Variants in IARS1 observed in about 807,000 individuals in gnomAD.
IARS1 encodes isoleucyl-tRNA synthetase 1.
IARS1 carries 124 observed loss-of-function variants against 168.2 expected under a neutral mutation model. The observed-to-expected ratio is 0.74, with a 90% CI of 0.64 to 0.86. The LOEUF is 0.86. IARS1 is among the 40% of genes least tolerant of loss of function. IARS1 has a pLI of 0.00. For synonymous variants in IARS1, 532 were observed against 529.4 expected (o/e 1.00, Z -0.07); for missense variants, 1,452 against 1,515.8 (o/e 0.96, Z 0.70).
intron 9 of IARS1, among the ~76,000 whole-genome samples, chr9:92,276,674 C>T (rs539731345): frequency 3.7e-4 from 56 of 152,284 alleles, no homozygotes; most frequent in African/African-American, 1.3e-3. Context: ...GAGGGTTCAG[C>T]GAACATTTTT....
At chr9:92,279,017 G>A (rs944386157) in intron 7 of IARS1, among the ~76,000 whole-genome samples, 1 of 152,082 alleles carries the variant, frequency 6.6e-6, no homozygotes, top group Non-Finnish European at 1.5e-5. Context: ...AGAAAAGCTG[G>A]AGCAAATGTA....
rs906619398 is a variant in IARS1 at position 92,268,139 on chromosome 9, A to G, written c.1431+35T>C. On this transcript the variant is annotated intron_variant, in intron 14 of 33. Transcript: ENST00000443024. Reference sequence around the variant, plus strand: ...GATTTCATGAACAAAATGCTTTAGCAAAAATCAACACAAGGAAATACTGCC... The same window carrying G: ...GATTTCATGAACAAAATGCTTTAGCGAAAATCAACACAAGGAAATACTGCC... 2.6e-6 allele frequency: 4 copies of G among 1,530,332 alleles called. No homozygotes were observed. In the African/African-American group the frequency reaches 5.7e-5, roughly 22 times the overall value. The allele number at this position is 1,530,332 out of a possible 1,614,324, so 94.8% of individuals were successfully genotyped here.
At chr9:92,243,189 T>G in intron 28 of IARS1, 27 bp downstream of exon 28, 1 of 1,565,172 alleles carries the variant, frequency 6.4e-7, no homozygotes, top group African/African-American at 1.3e-5. Flanking sequence ...GCCAAAACAG[T>G]AGCTTATTCT....
intron 30 of IARS1, among the ~76,000 whole-genome samples, chr9:92,234,866 T>C (rs10992280): frequency 0.4 from 60,732 of 150,622 alleles, 14,485 homozygotes; most frequent in African/African-American, 0.66. Flanking sequence ...TTTTTTGAGA[T>C]GGAGTTCGTT....
intron 20 of IARS1, 100 bp from the exon 21 acceptor site, chr9:92,253,553 C>A: frequency 1.4e-6 from 1 of 724,138 alleles, no homozygotes; most frequent in South Asian, 1.6e-5. Context: ...TCCTTCCATC[C>A]AAGTGCCTCC....
At chr9:92,253,010 C>CAATATTAAT (rs1219355466) in intron 21 of IARS1, among the ~76,000 whole-genome samples, 1 of 151,986 alleles carries the variant, frequency 6.6e-6, no homozygotes, top group Non-Finnish European at 1.5e-5. Context: ...GTACCCCTCT[C>CAATATTAAT]AATATTAATG....
At chr9:92,284,084 G>A (rs913164872) in intron 6 of IARS1, among the ~76,000 whole-genome samples, 11 of 152,140 alleles carry the variant, frequency 7.2e-5, no homozygotes, top group Non-Finnish European at 1.5e-5. Flanking sequence ...GGGCTGAAAG[G>A]GGAGATCACT....
intron 31 of IARS1, among the ~76,000 whole-genome samples, chr9:92,227,744 C>T (rs1320301302): frequency 4.0e-5 from 6 of 151,656 alleles, no homozygotes; most frequent in South Asian, 4.2e-4. Context: ...GATGGGCGGC[C>T]GGGCAGAGAC....
At chr9:92,274,969 GA>G (rs1390700731) in intron 9 of IARS1, among the ~76,000 whole-genome samples, 1 of 152,160 alleles carries the variant, frequency 6.6e-6, no homozygotes, top group Non-Finnish European at 1.5e-5. Flanking sequence ...ATCTTGAAAG[GA>G]ACAGGTGGGA....
At chr9:92,264,336 C>CA (rs528571634) in intron 16 of IARS1, among the ~76,000 whole-genome samples, 6,843 of 98,866 alleles carry the variant, frequency 0.069, 191 homozygotes, top group South Asian at 0.11. Context: ...GATTCTGTCT[C>CA]AAAAAAAAAA....
At chr9:92,252,026 C>A (rs1257140649) in intron 21 of IARS1, 141 bp from the exon 22 acceptor site, 3 of 679,264 alleles carry the variant, frequency 4.4e-6, no homozygotes, top group Non-Finnish European at 7.5e-6. Flanking sequence ...GGAGAAAGGG[C>A]CACGACCACA....
intron 1 of IARS1, among the ~76,000 whole-genome samples, chr9:92,290,270 T>C (rs192228220): frequency 1.8e-3 from 278 of 152,336 alleles, no homozygotes; most frequent in African/African-American, 6.4e-3. Context: ...AAGTAGTATC[T>C]TGTGGTTTTG....
rs936296671 is a variant in IARS1, at chr9:92,280,009, G to A, written c.745+737C>T. The stretch of plus-strand genomic sequence containing the variant: ...TAGGCTGAATAATATTCCACTGTAC[G>A]TAAATACCCTATTTGGTTTATTCAT... On this transcript the variant is annotated intron_variant, in intron 7 of 33. Coordinates refer to ENST00000443024, the MANE Select transcript of IARS1 (RefSeq NM_002161.6). Among the ~76,000 whole-genome samples the A allele has an allele frequency of 1.8e-4, 28 of 152,214 alleles. No homozygotes were observed. The East Asian group carries it at 1.9e-3, about 10-fold the overall frequency.
intron 25 of IARS1, among the ~76,000 whole-genome samples, chr9:92,249,574 G>C (rs1237613323): frequency 6.6e-6 from 1 of 151,940 alleles, no homozygotes; most frequent in Non-Finnish European, 1.5e-5. Flanking sequence ...TAAAGTAAGG[G>C]AAAAGGAAAA....
chr9:92,253,309 T>C (rs751671178), intron 21 of IARS1, 53 bp downstream of exon 21: 2 of 1,103,730 alleles, frequency 1.8e-6, no homozygotes, highest in African/African-American at 1.5e-5. Context: ...ATATTTCTTC[T>C]ACTTTCAAAC....
At chr9:92,244,600 C>T (rs1016000149) in intron 27 of IARS1, among the ~76,000 whole-genome samples, 12 of 152,090 alleles carry the variant, frequency 7.9e-5, no homozygotes, top group African/African-American at 2.9e-4. Context: ...TGGATAGGAG[C>T]CCTCTGTGTA....
intron 33 of IARS1, among the ~76,000 whole-genome samples, chr9:92,214,093 A>G (rs1454763709): frequency 6.6e-6 from 1 of 151,944 alleles, no homozygotes; most frequent in Non-Finnish European, 1.5e-5. Flanking sequence ...ACCCAGTCAC[A>G]GCTTTCTTAA....
chr9:92,249,832 A>C (rs966175198), intron 25 of IARS1, 26 bp downstream of exon 25: 2 of 1,249,598 alleles, frequency 1.6e-6, no homozygotes, highest in Non-Finnish European at 2.3e-6. Flanking sequence ...TATCTGTACC[A>C]AAAACAGACA....
At chr9:92,217,086 G>A (rs200355441) in intron 33 of IARS1, among the ~76,000 whole-genome samples, 15,047 of 148,418 alleles carry the variant, frequency 0.1, 763 homozygotes, top group Middle Eastern at 0.14. Context: ...TCAGACCACA[G>A]TGCAATCAAA....
Sources: gnomAD v4.1 joint callset for allele counts (sites outside exome capture counted in the v4.1 genomes callset) on GRCh38, gnomAD v4.1.1 for gene constraint, MANE v1.5 for transcripts, NCBI Gene and HGNC (gene_info 2026-07-23, HGNC 2026-07-21) for gene names.